STX18: variants seen among roughly 807,000 people sequenced by gnomAD.
STX18 encodes syntaxin 18.
Under a neutral mutation model 50.1 loss-of-function variants are expected in STX18, and 40 were observed. That is an observed-to-expected ratio of 0.80 (90% CI 0.62 to 1.04). The LOEUF (loss-of-function observed/expected upper bound fraction) is 1.04, where lower values mean the gene tolerates loss of function less well. Ranked by LOEUF, STX18 falls within the 50% of genes least tolerant of loss-of-function variation. The pLI, the probability that STX18 is intolerant of heterozygous loss-of-function variation, is 0.00. For synonymous variants in STX18, 158 were observed against 151.8 expected (o/e 1.04, Z -0.30); for missense variants, 410 against 415.8 (o/e 0.99, Z 0.12).
chr4:4,541,741 C>T (rs1431349674), intron 1 of STX18, 56 bp downstream of exon 1: 2 of 1,552,196 alleles, frequency 1.3e-6, no homozygotes, highest in Admixed American at 1.8e-5. Flanking sequence ...GGCCCGGGGT[C>T]CCTGTCGCAG....
chr4:4,456,249 C>A lies in STX18; in HGVS notation c.497+942G>T, dbSNP rs981261654. ...CTCCATCCTGGGAGACAGGGTGAGA[C>A]CCTGTCTCAAAAACAAAAAAAACAA... On this transcript the variant is annotated intron_variant, in intron 5 of 10. Coordinates refer to ENST00000306200, the MANE Select transcript of STX18 (RefSeq NM_016930.4). Among the ~76,000 whole-genome samples, 6 of 151,692 alleles carry A rather than the reference C, an allele frequency of 4.0e-5. No homozygotes were observed. In the East Asian group the frequency reaches 9.7e-4, roughly 25 times the overall value.
At chr4:4,507,611 C>T (rs1253654160) in intron 1 of STX18, 27 of 765,556 alleles carry the variant, frequency 3.5e-5, no homozygotes, top group Non-Finnish European at 4.9e-5. Flanking sequence ...TCTTCCCAAG[C>T]GAAATTGTGG....
chr4:4,434,809 G>A lies in STX18; in HGVS notation c.663C>T (p.Gly221=), dbSNP rs1401109985. ...CTGGGGATAACTCATCTTCGCCTTT[G>A]CCATCTCCCCACGTTCCCAATTCAG... ...TQPELGTWGD[G]KGEDELSPEE... is the part of the protein sequence containing the mutation. The change falls in exon 7 of 11, where the codon GGC becomes GGT. Residue 221 remains glycine (G), a synonymous_variant. Coordinates refer to ENST00000306200, the MANE Select transcript of STX18 (RefSeq NM_016930.4). The A allele has an allele frequency of 3.1e-6, 5 of 1,606,444 alleles. No individual in the cohort carries two copies. The highest frequency in any genetic ancestry group is 3.4e-6 in the Non-Finnish European group (4 of 1,178,006).
At chr4:4,477,647 T>C (rs1728254792) in intron 1 of STX18, among the ~76,000 whole-genome samples, 1 of 152,078 alleles carries the variant, frequency 6.6e-6, no homozygotes, top group Admixed American at 6.6e-5. Context: ...GAAGCCTGGA[T>C]CCAATCCAGC....
chr4:4,447,416 C>T (rs1178142521), intron 5 of STX18, among the ~76,000 whole-genome samples: 2 of 151,332 alleles, frequency 1.3e-5, no homozygotes, highest in African/African-American at 2.4e-5. Context: ...GGTGAAACCC[C>T]GTCTCTACTA....
At chr4:4,524,627 C>T (rs1156889521) in intron 1 of STX18, among the ~76,000 whole-genome samples, 1 of 152,228 alleles carries the variant, frequency 6.6e-6, no homozygotes, top group Non-Finnish European at 1.5e-5. Flanking sequence ...GCCTTAAAGG[C>T]GCCAACACTG....
chr4:4,466,817 C>T (rs1727642140), intron 2 of STX18, among the ~76,000 whole-genome samples: 1 of 152,182 alleles, frequency 6.6e-6, no homozygotes, highest in Non-Finnish European at 1.5e-5. Flanking sequence ...GTTAAATATA[C>T]ATAGAGCTGT....
chr4:4,457,118 C>T (rs969507173), intron 5 of STX18, 73 bp downstream of exon 5: 1 of 1,368,722 alleles, frequency 7.3e-7, no homozygotes, highest in Non-Finnish European at 1.0e-6. Flanking sequence ...AGGGTAAGTG[C>T]TCTACAAACT....
chr4:4,469,869 T>C (rs1295997599), intron 2 of STX18, among the ~76,000 whole-genome samples: 1 of 152,088 alleles, frequency 6.6e-6, no homozygotes, highest in Non-Finnish European at 1.5e-5. Flanking sequence ...AGAGACCCTA[T>C]TAGAGGTTCC....
intron 1 of STX18, among the ~76,000 whole-genome samples, chr4:4,472,127 T>G (rs953178282): frequency 6.6e-6 from 1 of 152,218 alleles, no homozygotes; most frequent in African/African-American, 2.4e-5. Flanking sequence ...ATAGGGCCCA[T>G]GCAGAGCAGC....
intron 1 of STX18, among the ~76,000 whole-genome samples, chr4:4,525,618 G>T (rs776283589): frequency 1.3e-5 from 2 of 152,102 alleles, no homozygotes; most frequent in Non-Finnish European, 2.9e-5. Context: ...CTGTATTACT[G>T]GGTACAAGAG....
chr4:4,445,559 A>G (rs1445480999), intron 5 of STX18, among the ~76,000 whole-genome samples: 4 of 152,198 alleles, frequency 2.6e-5, no homozygotes, highest in African/African-American at 9.6e-5. Flanking sequence ...ACTGGAAAAT[A>G]ACATTAACAA....
intron 1 of STX18, among the ~76,000 whole-genome samples, chr4:4,495,461 T>C (rs1312425097): frequency 6.6e-6 from 1 of 151,906 alleles, no homozygotes; most frequent in Non-Finnish European, 1.5e-5. Flanking sequence ...TGATCATACC[T>C]CAATGCAGCC....
chr4:4,445,972 A>C (rs1161245474), intron 5 of STX18, among the ~76,000 whole-genome samples: 2 of 152,250 alleles, frequency 1.3e-5, no homozygotes, highest in East Asian at 3.8e-4. Flanking sequence ...TGGCAGTAGC[A>C]TAAGGACAAT....
rs973885847 is a variant in STX18 at position 4,420,359 on chromosome 4, A to C, written c.913-230T>G. 13 of 518,642 alleles carry C rather than the reference A, an allele frequency of 2.5e-5. No individual in the cohort carries two copies. Among genetic ancestry groups the C allele is most frequent in the Non-Finnish European group, 4.5e-5 (13 of 286,992 alleles). 32.1% of individuals were successfully genotyped at this position (518,642 alleles called of 1,614,324 possible). ...GGGTCCTGCACAATTCTCCCTCAAC[A>C]CAACTCTCGGAATCACTCCCTTCTG... On this transcript the variant is annotated intron_variant, in intron 10 of 10. Coordinates refer to ENST00000306200, the MANE Select transcript of STX18 (RefSeq NM_016930.4). The surrounding 1 kb of genome is among the most constrained non-coding windows in gnomAD (Gnocchi z 4.3).
At chr4:4,456,893 T>C (rs1350191561) in intron 5 of STX18, among the ~76,000 whole-genome samples, 1 of 152,192 alleles carries the variant, frequency 6.6e-6, no homozygotes, top group African/African-American at 2.4e-5. Flanking sequence ...AAACCCCAGC[T>C]ATGCTACCTG....
intron 5 of STX18, among the ~76,000 whole-genome samples, chr4:4,455,282 C>A (rs1463303019): frequency 6.6e-6 from 1 of 152,212 alleles, no homozygotes; most frequent in Non-Finnish European, 1.5e-5. Flanking sequence ...TCTCTAAGCA[C>A]AAAGACTTAA....
intron 1 of STX18, among the ~76,000 whole-genome samples, chr4:4,517,616 T>C (rs1442370371): frequency 6.6e-6 from 1 of 152,232 alleles, no homozygotes; most frequent in Non-Finnish European, 1.5e-5. Context: ...TTATAACCTC[T>C]TCCTGTCATA....
intron 5 of STX18, among the ~76,000 whole-genome samples, chr4:4,452,168 C>A (rs1182408003): frequency 6.6e-6 from 1 of 152,098 alleles, no homozygotes; most frequent in Non-Finnish European, 1.5e-5. Context: ...TCTGTGAAGG[C>A]TAAGAAAGGT....
Sources: allele counts gnomAD v4.1 joint callset (sites outside exome capture counted in the v4.1 genomes callset), GRCh38; gene constraint gnomAD v4.1.1; non-coding constraint Gnocchi (gnomAD v3.1); transcripts MANE v1.5; gene names NCBI Gene and HGNC (gene_info 2026-07-23, HGNC 2026-07-21).